The following PCDHGA5 variants were observed in gnomAD, a reference collection of about 807,000 sequenced individuals.
The protein encoded by PCDHGA5 is protocadherin gamma subfamily A, 5, also known as protocadherin gamma-A5.
In PCDHGA5, 36 loss-of-function variants were observed where a neutral mutation model predicts 56.7. The observed-to-expected ratio is 0.64, with a 90% CI of 0.49 to 0.84. The LOEUF is 0.84. Ranked by LOEUF, PCDHGA5 falls within the 40% of genes least tolerant of loss-of-function variation. The pLI is 0.00. For missense variants in PCDHGA5, 1,305 were observed against 1,201.5 expected, an observed-to-expected ratio of 1.09 and a Z score of -1.27; for synonymous variants, 563 against 520.2, an observed-to-expected ratio of 1.08 and a Z score of -1.12.
chr5:141,473,269 A>G (rs2099318337), intron 1 of PCDHGA5, among the ~76,000 whole-genome samples: 1 of 152,208 alleles, frequency 6.6e-6, no homozygotes. Flanking sequence ...AGTGTATGCT[A>G]TGATTATTTT....
rs990493129 is a variant in PCDHGA5 at position 141,449,560 on chromosome 5, G to C, written c.2422-45247G>C. On this transcript the variant is annotated intron_variant, in intron 1 of 3. Coordinates refer to ENST00000518069, the MANE Select transcript of PCDHGA5 (RefSeq NM_018918.3). ...GCCGAGATCGCACCACTGCACTCCA[G>C]CCTGGGCGACAGAGCAAGACTCTGT... Among the ~76,000 whole-genome samples, 4 of 145,056 alleles carry C rather than the reference G, an allele frequency of 2.8e-5. No homozygotes were observed. The Admixed American group carries it at 2.8e-4, about 10-fold the overall frequency.
At position 141,511,262 on chromosome 5, in the gene PCDHGA5, G is replaced by A; in HGVS notation, c.*89G>A. 1 of 1,556,036 alleles carries A rather than the reference G, an allele frequency of 6.4e-7. No individual in the cohort carries two copies. The highest frequency in any genetic ancestry group is 8.7e-7 in the Non-Finnish European group (1 of 1,150,444). On this transcript the variant is annotated 3_prime_UTR_variant, in exon 4 of 4. Transcript: ENST00000518069. ...TGCACCCAGGCCTCAGAGTTTCAGG[G>A]CTAACCCCCAGAATACTGGTAGGGG...
At chr5:141,421,354 G>T in intron 1 of PCDHGA5, 2 of 1,613,980 alleles carry the variant, frequency 1.2e-6, no homozygotes, top group Non-Finnish European at 1.7e-6. Context: ...GACCGAAAAG[G>T]GCTCCTTCGT....
Position 141,431,253 on chromosome 5 carries a change from A to G in PCDHGA5, c.2422-63554A>G, listed in dbSNP as rs1554123268. The G allele has an allele frequency of 1.2e-6, 2 of 1,614,132 alleles. No individual in the cohort carries two copies. Among genetic ancestry groups the G allele is most frequent in the South Asian group, 1.1e-5 (1 of 91,088 alleles). ...GCCTGGGATCCGGATATCGGGAAGA[A>G]CTCTCTGCAGAGCTACGAGCTCAGC... is the stretch of plus-strand genomic sequence containing the variant. On this transcript the variant is annotated intron_variant, in intron 1 of 3. Transcript: ENST00000518069. The surrounding 1 kb of genome is among the most constrained non-coding windows in gnomAD (Gnocchi z 4.8).
intron 1 of PCDHGA5, chr5:141,414,532 C>T (rs747661760): frequency 1.9e-6 from 3 of 1,613,930 alleles, no homozygotes; most frequent in Admixed American, 3.3e-5. Flanking sequence ...CAATGACAAC[C>T]CACCTACCTT....
intron 1 of PCDHGA5, chr5:141,419,568 A>T: frequency 1.2e-6 from 2 of 1,611,742 alleles, no homozygotes; most frequent in African/African-American, 2.7e-5. Flanking sequence ...CTGGGTCCCG[A>T]CGGCTCCGCG....
intron 1 of PCDHGA5, among the ~76,000 whole-genome samples, chr5:141,369,528 C>T (rs952225187): frequency 6.6e-6 from 1 of 152,120 alleles, no homozygotes; most frequent in Non-Finnish European, 1.5e-5. Context: ...TTCAATCATA[C>T]TTATTTAATT....
intron 1 of PCDHGA5, among the ~76,000 whole-genome samples, chr5:141,434,491 C>CCCAGGGCAGAAAACTGCTTAA (rs1300377022): frequency 1.8e-4 from 27 of 152,302 alleles, no homozygotes; most frequent in Non-Finnish European, 3.4e-4. Context: ...ACCTGGCCCG[C>CCCAGGGCAGAAAACTGCTTAA]CCAGGGCAGA....
chr5:141,467,055 CTTTT>C (rs1193465269), intron 1 of PCDHGA5, among the ~76,000 whole-genome samples: 5 of 134,484 alleles, frequency 3.7e-5, no homozygotes, highest in Non-Finnish European at 4.9e-5. Context: ...TCAATGTTTT[CTTTT>C]TTTTTTTTTT....
rs781367282 is a variant in PCDHGA5 at position 141,485,525 on chromosome 5, C to G, written c.2422-9282C>G. On this transcript the variant is annotated intron_variant, in intron 1 of 3. Transcript: ENST00000518069. This position sits in a 1 kb window ranked among gnomAD's most constrained non-coding sequence, Gnocchi z 5.7. ...CACCGAAGGTCCTTTGGAAATGTAC[C>G]GAGCAGAGGTAGAGATCGTAGATGT... is the stretch of plus-strand genomic sequence containing the variant. 5 of 1,614,122 alleles carry G rather than the reference C, an allele frequency of 3.1e-6. No homozygotes were observed. The highest frequency in any genetic ancestry group is 2.5e-6 in the Non-Finnish European group (3 of 1,180,022).
chr5:141,476,071 T>A lies in PCDHGA5; in HGVS notation c.2422-18736T>A. On this transcript the variant is annotated intron_variant, in intron 1 of 3. Transcript: ENST00000518069. The surrounding 1 kb of genome is among the most constrained non-coding windows in gnomAD (Gnocchi z 7.6). ...CCGCTGAAAGTTTCTCAGCGAAATC[T>A]CAGGGACGATCTGGACCCCGCTGAG... 6.6e-7 allele frequency: 1 copy of A among 1,522,792 alleles called. No individual in the cohort carries two copies. The highest frequency in any genetic ancestry group is 8.8e-7 in the Non-Finnish European group (1 of 1,142,680). 94.3% of individuals were successfully genotyped at this position (1,522,792 alleles called of 1,614,324 possible).
At chr5:141,381,012 AC>A (rs1776931879) in intron 1 of PCDHGA5, among the ~76,000 whole-genome samples, 1 of 152,354 alleles carries the variant, frequency 6.6e-6, no homozygotes, top group South Asian at 2.1e-4. Context: ...CATCTATAAT[AC>A]CTCTATTAGT....
At chr5:141,378,896 TTCTGTTA>T (rs1377436714) in intron 1 of PCDHGA5, 1 of 152,242 alleles carries the variant, frequency 6.6e-6, no homozygotes, top group Non-Finnish European at 1.5e-5. Context: ...AGATAGGAGA[TTCTGTTA>T]TCGACAGTCT....
rs753030509 is a variant in PCDHGA5, at chr5:141,431,672, G to A, written c.2422-63135G>A. On this transcript the variant is annotated intron_variant, in intron 1 of 3. Transcript: ENST00000518069. The surrounding 1 kb of genome is among the most constrained non-coding windows in gnomAD (Gnocchi z 4.8). ...TAATTCAGGGACAATATCAACAATA[G>A]GGGAGTTGGACCACGAGGAGTCAGG... The A allele has an allele frequency of 9.3e-6, 15 of 1,614,110 alleles. No homozygotes were observed. Among genetic ancestry groups the A allele is most frequent in the African/African-American group, 4.0e-5 (3 of 74,948 alleles).
At position 141,491,084 on chromosome 5, in the gene PCDHGA5, C is replaced by T; in HGVS notation, c.2422-3723C>T. On this transcript the variant is annotated intron_variant, in intron 1 of 3. Transcript: ENST00000518069. This position sits in a 1 kb window ranked among gnomAD's most constrained non-coding sequence, Gnocchi z 6.9. ...TACTCACTGTTGCCACAGTCCACAGCCCCAGGACTGTTCCTCGTGTCTACA... is the reference window on the plus strand; with the variant it reads ...TACTCACTGTTGCCACAGTCCACAGTCCCAGGACTGTTCCTCGTGTCTACA... The T allele has an allele frequency of 6.2e-7, 1 of 1,614,106 alleles. No homozygotes were observed. The highest frequency in any genetic ancestry group is 1.1e-5 in the South Asian group (1 of 91,082).
intron 1 of PCDHGA5, chr5:141,377,208 T>A (rs1773778688): frequency 6.6e-6 from 1 of 152,244 alleles, no homozygotes; most frequent in Non-Finnish European, 1.5e-5. Context: ...ATTGAGTACA[T>A]CTCGTTTCTT....
At chr5:141,483,603 A>T (rs1277479077) in intron 1 of PCDHGA5, among the ~76,000 whole-genome samples, 1 of 152,054 alleles carries the variant, frequency 6.6e-6, no homozygotes, top group Non-Finnish European at 1.5e-5. Context: ...AGGCTGGTTT[A>T]CACCTCCATC....
chr5:141,371,268 T>C (rs757493247), intron 1 of PCDHGA5: 1 of 1,614,026 alleles, frequency 6.2e-7, no homozygotes, highest in Non-Finnish European at 8.5e-7. Flanking sequence ...GAGACAACTG[T>C]TCAAGCTGGA....
At chr5:141,488,564 G>T (rs1047904416) in intron 1 of PCDHGA5, among the ~76,000 whole-genome samples, 1 of 152,154 alleles carries the variant, frequency 6.6e-6, no homozygotes, top group African/African-American at 2.4e-5. Context: ...TGAGATTTCC[G>T]CAAAGCATTG....
Sources: allele counts gnomAD v4.1 joint callset (sites outside exome capture counted in the v4.1 genomes callset), GRCh38; gene constraint gnomAD v4.1.1; non-coding constraint Gnocchi (gnomAD v3.1); transcripts MANE v1.5; gene names NCBI Gene and HGNC (gene_info 2026-07-23, HGNC 2026-07-21).